ADAM32: variants seen among roughly 807,000 people sequenced by gnomAD.
ADAM32 encodes disintegrin and metalloproteinase domain-containing protein 32.
In ADAM32, 89 loss-of-function variants were observed where a neutral mutation model predicts 114.9. That is an observed-to-expected ratio of 0.77 (90% confidence interval 0.65 to 0.92). The LOEUF is 0.92. Among genes scored for constraint, ADAM32 ranks in the 40% least tolerant of loss-of-function variants. The pLI, the probability that ADAM32 is intolerant of heterozygous loss-of-function variation, is 0.00. For missense variants in ADAM32, 870 were observed against 932.8 expected (o/e 0.93, Z 0.88); for synonymous variants, 285 against 307.5 (o/e 0.93, Z 0.77).
chr8:39,134,379 G>A (rs957369186), intron 2 of ADAM32, among the ~76,000 whole-genome samples: 1 of 152,088 alleles, frequency 6.6e-6, no homozygotes, highest in African/African-American at 2.4e-5. Context: ...AGCATTCGTG[G>A]TGGGACCCTG....
At chr8:39,218,586 A>C (rs910466782) in intron 12 of ADAM32, among the ~76,000 whole-genome samples, 1 of 152,148 alleles carries the variant, frequency 6.6e-6, no homozygotes, top group African/African-American at 2.4e-5. Context: ...CACTTGACAC[A>C]GTCCTTCCTA....
At chr8:39,209,558 A>G (rs1808074246) in intron 11 of ADAM32, among the ~76,000 whole-genome samples, 1 of 152,200 alleles carries the variant, frequency 6.6e-6, no homozygotes, top group South Asian at 2.1e-4. Context: ...GCATTAAATA[A>G]TTAAGTATTT....
intron 11 of ADAM32, among the ~76,000 whole-genome samples, chr8:39,207,904 G>T (rs11777233): frequency 2.6e-5 from 4 of 152,064 alleles, no homozygotes; most frequent in Middle Eastern, 3.4e-3. Flanking sequence ...TGATAAGATT[G>T]CATTCCTTTT....
rs1459380664 is a variant in ADAM32 at position 39,219,910 on chromosome 8, A to T, written c.1234-1700A>T. ...TTCTGTGCACGGCTAAGAAAAATGT[A>T]TATGCTATTGTTGAAATGTGGAGTA... On this transcript the variant is annotated intron_variant, in intron 12 of 24. Transcript: ENST00000379907. 2.6e-5 allele frequency among the ~76,000 whole-genome samples: 4 copies of T among 152,188 alleles called. 1 individual carries two copies. The South Asian group carries it at 8.3e-4, about 32-fold the overall frequency.
At chr8:39,111,140 C>T (rs1279492714) in intron 1 of ADAM32, among the ~76,000 whole-genome samples, 1 of 152,160 alleles carries the variant, frequency 6.6e-6, no homozygotes, top group Non-Finnish European at 1.5e-5. Flanking sequence ...ACTGATTCAT[C>T]AGTTGATGGA....
At chr8:39,195,620 G>A (rs1430847612) in intron 11 of ADAM32, among the ~76,000 whole-genome samples, 2 of 152,066 alleles carry the variant, frequency 1.3e-5, no homozygotes, top group East Asian at 1.9e-4. Context: ...TAGAGATAGG[G>A]CCCTAGTTTC....
chr8:39,221,760 T>C, intron 13 of ADAM32, 58 bp downstream of exon 13: 1 of 1,247,948 alleles, frequency 8.0e-7, no homozygotes, highest in Non-Finnish European at 1.1e-6. Context: ...TGCAGGGTAC[T>C]TTACAACACA....
chr8:39,110,009 T>A (rs1434501220), intron 1 of ADAM32, among the ~76,000 whole-genome samples: 1 of 152,090 alleles, frequency 6.6e-6, no homozygotes, highest in Admixed American at 6.6e-5. Flanking sequence ...ACTTTTTTTT[T>A]ACTTAATAAT....
chr8:39,266,768 T>C (rs1435687279), intron 19 of ADAM32, among the ~76,000 whole-genome samples: 1 of 152,220 alleles, frequency 6.6e-6, no homozygotes, highest in Non-Finnish European at 1.5e-5. Context: ...TTCTTTCTCA[T>C]TTGTGTGGGC....
intron 5 of ADAM32, 136 bp downstream of exon 5, chr8:39,150,003 A>G (rs1309943699): frequency 1.1e-5 from 6 of 549,410 alleles, no homozygotes; most frequent in African/African-American, 1.9e-5. Context: ...CCCTCTGAAC[A>G]TGTTTCCAAT....
intron 12 of ADAM32, among the ~76,000 whole-genome samples, chr8:39,218,779 C>T (rs1007102071): frequency 1.3e-5 from 2 of 152,012 alleles, no homozygotes; most frequent in African/African-American, 4.8e-5. Context: ...TCCCCTCTGT[C>T]CCAGGACAGG....
chr8:39,153,901 G>A (rs549283758), intron 6 of ADAM32, among the ~76,000 whole-genome samples: 3 of 152,116 alleles, frequency 2.0e-5, no homozygotes, highest in South Asian at 4.2e-4. Flanking sequence ...AATTGCATTT[G>A]TATGTATCAT....
chr8:39,128,384 C>T (rs1802242756), intron 2 of ADAM32, among the ~76,000 whole-genome samples: 1 of 152,154 alleles, frequency 6.6e-6, no homozygotes. Flanking sequence ...AAATTTTCCT[C>T]CATCCCTTCA....
chr8:39,157,671 C>T (rs1378652217), intron 6 of ADAM32: 2 of 750,710 alleles, frequency 2.7e-6, no homozygotes, highest in African/African-American at 3.5e-5. Flanking sequence ...TTCTCCAGAG[C>T]CTGCTGCTTG....
At chr8:39,204,065 T>C (rs561777868) in intron 11 of ADAM32, among the ~76,000 whole-genome samples, 9 of 152,346 alleles carry the variant, frequency 5.9e-5, no homozygotes, top group Non-Finnish European at 1.3e-4. Context: ...GCCCTTAACA[T>C]TTTTTCCTTC....
intron 3 of ADAM32, among the ~76,000 whole-genome samples, chr8:39,143,937 C>G (rs1325137669): frequency 6.6e-6 from 1 of 152,186 alleles, no homozygotes; most frequent in Non-Finnish European, 1.5e-5. Context: ...GCAGATGACC[C>G]TTCCCCCAAT....
chr8:39,188,503 T>C (rs1806397645), intron 11 of ADAM32, among the ~76,000 whole-genome samples: 1 of 152,152 alleles, frequency 6.6e-6, no homozygotes, highest in Non-Finnish European at 1.5e-5. Context: ...TTTGTGTAGG[T>C]CACCCAGAGC....
At chr8:39,271,952 A>G (rs1218616904) in intron 20 of ADAM32, among the ~76,000 whole-genome samples, 3 of 151,740 alleles carry the variant, frequency 2.0e-5, no homozygotes, top group African/African-American at 7.3e-5. Context: ...CTGAGGTGTG[A>G]GGAGCACCTG....
At chr8:39,154,193 C>G (rs553157159) in intron 6 of ADAM32, among the ~76,000 whole-genome samples, 9 of 151,974 alleles carry the variant, frequency 5.9e-5, no homozygotes, top group African/African-American at 2.2e-4. Flanking sequence ...TCCCCTACCC[C>G]CCATCTCCCC....
Sources: gnomAD v4.1 joint callset for allele counts (sites outside exome capture counted in the v4.1 genomes callset) on GRCh38, gnomAD v4.1.1 for gene constraint, MANE v1.5 for transcripts, NCBI Gene and HGNC (gene_info 2026-07-23, HGNC 2026-07-21) for gene names.